Variants in MTUS2 observed in about 807,000 individuals in gnomAD.
MTUS2 encodes the protein microtubule associated scaffold protein 2.
MTUS2 carries 40 observed loss-of-function variants against 114.1 expected under a neutral mutation model. That is an observed-to-expected ratio of 0.35 (90% confidence interval 0.27 to 0.46). The LOEUF is 0.46. MTUS2 is among the 20% of genes least tolerant of loss of function. MTUS2 has a pLI of 1.00. For synonymous variants in MTUS2, 688 were observed against 672.0 expected (o/e 1.02, Z -0.37); for missense variants, 1,679 against 1,705.4 (o/e 0.98, Z 0.27).
At position 29,092,612 on chromosome 13, in the gene MTUS2, C is replaced by T. The variant is rs1427641160; in HGVS notation, c.2447-8161C>T. 7.2e-5 allele frequency among the ~76,000 whole-genome samples: 11 copies of T among 152,222 alleles called. No homozygotes were observed. In the East Asian group the frequency reaches 2.1e-3, roughly 30 times the overall value. ...AGCTGGGCCAGGGGCACACCTGGCCCAGTTGTAGGCTGAGCATGGGATCCA... is the reference window on the plus strand; with the variant it reads ...AGCTGGGCCAGGGGCACACCTGGCCTAGTTGTAGGCTGAGCATGGGATCCA... On this transcript the variant is annotated intron_variant, in intron 4 of 15. Coordinates refer to ENST00000612955, the MANE Select transcript of MTUS2 (RefSeq NM_001033602.4).
chr13:28,862,999 T>C (rs955780199), intron 2 of MTUS2, among the ~76,000 whole-genome samples: 1 of 152,206 alleles, frequency 6.6e-6, no homozygotes, highest in Non-Finnish European at 1.5e-5. Flanking sequence ...TGATTACCTT[T>C]AGTCTGCTGA....
intron 5 of MTUS2, among the ~76,000 whole-genome samples, chr13:29,265,955 C>T (rs964879939): frequency 1.3e-5 from 2 of 152,110 alleles, no homozygotes; most frequent in Non-Finnish European, 2.9e-5. Flanking sequence ...ACTTAGGGTG[C>T]TGAGTAAAGA....
At chr13:29,328,195 GA>G (rs34695522) in intron 7 of MTUS2, among the ~76,000 whole-genome samples, 83,950 of 152,046 alleles carry the variant, frequency 0.55, 25,946 homozygotes, top group East Asian at 0.75. Flanking sequence ...TTCCATATAT[GA>G]AAATACATTT....
At chr13:28,905,747 A>G (rs1477101098) in intron 2 of MTUS2, among the ~76,000 whole-genome samples, 2 of 151,338 alleles carry the variant, frequency 1.3e-5, no homozygotes, top group African/African-American at 4.9e-5. Flanking sequence ...AGGCTTTGGT[A>G]TCAGGATGAT....
chr13:28,964,214 T>C (rs1374296960), intron 2 of MTUS2, among the ~76,000 whole-genome samples: 1 of 152,180 alleles, frequency 6.6e-6, no homozygotes, highest in African/African-American at 2.4e-5. Context: ...TCATCTGCAG[T>C]CTAGTAAATG....
intron 5 of MTUS2, among the ~76,000 whole-genome samples, chr13:29,272,489 G>T (rs1246579262): frequency 6.6e-6 from 1 of 152,106 alleles, no homozygotes; most frequent in African/African-American, 2.4e-5. Flanking sequence ...ATACCCTGTT[G>T]CCATTATTTC....
chr13:28,991,677 A>T (rs905561179), intron 2 of MTUS2, among the ~76,000 whole-genome samples: 2 of 152,026 alleles, frequency 1.3e-5, no homozygotes, highest in South Asian at 4.1e-4. Flanking sequence ...TGTTTCTTCA[A>T]TGTCTTTAAA....
chr13:29,495,589 G>T (rs1425115990), intron 12 of MTUS2, among the ~76,000 whole-genome samples: 1 of 152,040 alleles, frequency 6.6e-6, no homozygotes, highest in Admixed American at 6.6e-5. Context: ...GTTCATGGGA[G>T]GCTAGGAATG....
At chr13:28,986,099 T>G (rs1455387909) in intron 2 of MTUS2, among the ~76,000 whole-genome samples, 2 of 152,004 alleles carry the variant, frequency 1.3e-5, no homozygotes, top group East Asian at 3.9e-4. Context: ...AAAGTTTCCT[T>G]TAAGAGTGTG....
At chr13:29,502,739 G>T (rs747370591) in intron 15 of MTUS2, among the ~76,000 whole-genome samples, 6 of 152,266 alleles carry the variant, frequency 3.9e-5, no homozygotes, top group Non-Finnish European at 7.3e-5. Flanking sequence ...CCAGTGGACA[G>T]CCAGTGCCTC....
chr13:28,871,603 G>A (rs1460323100), intron 2 of MTUS2, among the ~76,000 whole-genome samples: 1 of 152,052 alleles, frequency 6.6e-6, no homozygotes, highest in Non-Finnish European at 1.5e-5. Context: ...TATAGTAGTG[G>A]GCAAAAAAGA....
chr13:29,170,905 T>G (rs1056403888), intron 5 of MTUS2, among the ~76,000 whole-genome samples: 1 of 152,168 alleles, frequency 6.6e-6, no homozygotes, highest in African/African-American at 2.4e-5. Context: ...TTAAAAAATG[T>G]GGCAGCCATC....
intron 4 of MTUS2, among the ~76,000 whole-genome samples, chr13:29,091,026 C>T (rs577917307): frequency 6.6e-6 from 1 of 152,120 alleles, no homozygotes; most frequent in Non-Finnish European, 1.5e-5. Context: ...CTGGTTGCCA[C>T]TTGGGACCCA....
At chr13:28,843,106 C>T (rs902873171) in intron 2 of MTUS2, among the ~76,000 whole-genome samples, 1 of 152,144 alleles carries the variant, frequency 6.6e-6, no homozygotes, top group Admixed American at 6.5e-5. Context: ...TCTCATCCCC[C>T]AGAGCTGCTT....
At chr13:29,100,998 C>T (rs1566008962) in intron 5 of MTUS2, 28 bp downstream of exon 5, 5 of 1,508,318 alleles carry the variant, frequency 3.3e-6, no homozygotes, top group African/African-American at 2.8e-5. Context: ...GGGTGGGGTG[C>T]CTTCACTGAA....
At chr13:29,456,372 A>G (rs899383740) in intron 9 of MTUS2, among the ~76,000 whole-genome samples, 13 of 152,342 alleles carry the variant, frequency 8.5e-5, no homozygotes, top group African/African-American at 3.1e-4. Context: ...TATAGCAACC[A>G]GGTCTAACAG....
At chr13:29,327,022 C>T (rs1900547028) in intron 7 of MTUS2, among the ~76,000 whole-genome samples, 1 of 152,062 alleles carries the variant, frequency 6.6e-6, no homozygotes, top group African/African-American at 2.4e-5. Flanking sequence ...AAATAAATTA[C>T]TAGACTGTGT....
intron 8 of MTUS2, among the ~76,000 whole-genome samples, chr13:29,360,198 A>T (rs1171959417): frequency 6.6e-6 from 1 of 152,210 alleles, no homozygotes; most frequent in Non-Finnish European, 1.5e-5. Context: ...AAAAGCATAA[A>T]CATAAGTGCA....
chr13:29,328,028 A>G lies in MTUS2; in HGVS notation c.2905+3317A>G, dbSNP rs777878578. ...ATCTTTCTATGTGTTTGACAGCTGTATATGTTCTTTGATAAAATATCTATC... is the reference window on the plus strand; with the variant it reads ...ATCTTTCTATGTGTTTGACAGCTGTGTATGTTCTTTGATAAAATATCTATC... On this transcript the variant is annotated intron_variant, in intron 7 of 15. Transcript: ENST00000612955. Among the ~76,000 whole-genome samples, 17 of 152,096 alleles carry G rather than the reference A, an allele frequency of 1.1e-4. 1 individual carries two copies. The highest frequency in any genetic ancestry group is 2.4e-4 in the Non-Finnish European group (16 of 68,016).
Sources: gnomAD v4.1 joint callset for allele counts (sites outside exome capture counted in the v4.1 genomes callset) on GRCh38, gnomAD v4.1.1 for gene constraint, MANE v1.5 for transcripts, NCBI Gene and HGNC (gene_info 2026-07-23, HGNC 2026-07-21) for gene names.